Variants in USP6NL observed in about 807,000 individuals in gnomAD.
USP6NL encodes the protein USP6 N-terminal-like protein.
A neutral mutation model predicts 61.9 loss-of-function variants in USP6NL; 26 were observed. The ratio of observed to expected loss-of-function variants is 0.42; its 90% CI spans 0.31 to 0.58. The LOEUF is 0.58. USP6NL is among the 20% of genes least tolerant of loss of function. The pLI, the probability that USP6NL is intolerant of heterozygous loss-of-function variation, is 0.16. For synonymous variants in USP6NL, 432 were observed against 390.1 expected (o/e 1.11, Z -1.27); for missense variants, 1,114 against 1,034.3 (o/e 1.08, Z -1.06).
chr10:11,498,549 G>T (rs11257131), intron 7 of USP6NL, among the ~76,000 whole-genome samples: 35,902 of 151,730 alleles, frequency 0.24, 4,803 homozygotes, highest in East Asian at 0.59. Context: ...AATATAATAA[G>T]GACAAAACCT....
chr10:11,462,432 C>T lies in USP6NL; in HGVS notation c.*9G>A, dbSNP rs375781472. ...TTCTCTCTCGTCTTTAGCAAGTACA[C>T]GTCAAATCTCACAGCAACACTGACT... On this transcript the variant is annotated 3_prime_UTR_variant, in exon 15 of 15. Transcript: ENST00000609104. 253 of 1,610,126 alleles carry T rather than the reference C, an allele frequency of 1.6e-4. No homozygotes were observed. Among genetic ancestry groups the T allele is most frequent in the Non-Finnish European group, 2.0e-4 (233 of 1,178,226 alleles).
At chr10:11,569,126 G>C (rs1192857019) in intron 2 of USP6NL, among the ~76,000 whole-genome samples, 6 of 152,186 alleles carry the variant, frequency 3.9e-5, no homozygotes, top group Non-Finnish European at 7.3e-5. Context: ...AAGTAAATTA[G>C]ATGCTATAAC....
intron 2 of USP6NL, among the ~76,000 whole-genome samples, chr10:11,581,425 G>A (rs570977533): frequency 1.8e-4 from 28 of 152,290 alleles, no homozygotes; most frequent in South Asian, 6.2e-4. Flanking sequence ...TTGATCATAC[G>A]AATAACAACC....
chr10:11,504,465 C>T (rs1834350971), intron 6 of USP6NL, among the ~76,000 whole-genome samples: 1 of 152,168 alleles, frequency 6.6e-6, no homozygotes, highest in Non-Finnish European at 1.5e-5. Context: ...AAACAAGATA[C>T]AGAAGAAAAG....
intron 6 of USP6NL, among the ~76,000 whole-genome samples, chr10:11,501,442 A>G (rs200777378): frequency 6.6e-6 from 1 of 152,232 alleles, no homozygotes; most frequent in Non-Finnish European, 1.5e-5. Context: ...AGAATGCCCA[A>G]TGCATTAGCA....
intron 2 of USP6NL, among the ~76,000 whole-genome samples, chr10:11,594,067 ATTG>A (rs1838242133): frequency 6.6e-6 from 1 of 152,162 alleles, no homozygotes; most frequent in Admixed American, 6.5e-5. Context: ...AGTGACATAT[ATTG>A]CTATTTTTTA....
chr10:11,578,897 A>T (rs1453631970), intron 2 of USP6NL, among the ~76,000 whole-genome samples: 1 of 152,212 alleles, frequency 6.6e-6, no homozygotes, highest in Non-Finnish European at 1.5e-5. Flanking sequence ...CATCTCGTTT[A>T]TATCAGCTTG....
rs1837514325 is a variant in USP6NL, at chr10:11,575,695, T to C, written c.4+21936A>G. Among the ~76,000 whole-genome samples the C allele has an allele frequency of 6.6e-6, 1 of 152,218 alleles. No homozygotes were observed. Among genetic ancestry groups the C allele is most frequent in the South Asian group, 2.1e-4 (1 of 4,828 alleles). On this transcript the variant is annotated intron_variant, in intron 2 of 14. Coordinates refer to ENST00000609104, the MANE Select transcript of USP6NL (RefSeq NM_014688.5). This position sits in a 1 kb window ranked among gnomAD's most constrained non-coding sequence, Gnocchi z 4.2. The stretch of plus-strand genomic sequence containing the variant: ...TGCTTAGCTTCTGCTAAGCAATCAA[T>C]AGCTTTTTCTTGTTTCTCTCATTTT...
chr10:11,555,451 T>TATATATAGAG (rs1427219382), intron 2 of USP6NL, among the ~76,000 whole-genome samples: 5 of 60,998 alleles, frequency 8.2e-5, no homozygotes, highest in East Asian at 1.9e-3. Flanking sequence ...TATATATATA[T>TATATATAGAG]AGAGAGAGAG....
intron 2 of USP6NL, among the ~76,000 whole-genome samples, chr10:11,569,414 A>G (rs1459943180): frequency 6.6e-6 from 1 of 152,260 alleles, no homozygotes; most frequent in Non-Finnish European, 1.5e-5. Flanking sequence ...CAACAAATGT[A>G]TTGCAATTAA....
At chr10:11,581,394 G>A (rs1244996591) in intron 2 of USP6NL, among the ~76,000 whole-genome samples, 1 of 152,214 alleles carries the variant, frequency 6.6e-6, no homozygotes, top group Non-Finnish European at 1.5e-5. Flanking sequence ...TTTGGACTCT[G>A]CTCTAAGCCT....
chr10:11,535,503 C>T (rs1283032924), intron 2 of USP6NL, among the ~76,000 whole-genome samples: 1 of 152,094 alleles, frequency 6.6e-6, no homozygotes, highest in Non-Finnish European at 1.5e-5. Context: ...TACCAGTAAG[C>T]AGGGAAAAGT....
chr10:11,493,283 ACT>A, intron 7 of USP6NL, 55 bp from the exon 8 acceptor site: 5 of 1,418,510 alleles, frequency 3.5e-6, no homozygotes, highest in Non-Finnish European at 3.8e-6. Context: ...GTTGTTGAAA[ACT>A]CTATGACAAA....
chr10:11,609,115 A>G (rs1838796894), intron 1 of USP6NL, among the ~76,000 whole-genome samples: 1 of 152,036 alleles, frequency 6.6e-6, no homozygotes, highest in African/African-American at 2.4e-5. Flanking sequence ...CCCAGGTTGG[A>G]GTGCAGTGGA....
chr10:11,509,576 A>C lies in USP6NL; in HGVS notation c.276+19T>G. The C allele has an allele frequency of 6.5e-7, 1 of 1,528,342 alleles. No individual in the cohort carries two copies. The highest frequency in any genetic ancestry group is 1.3e-5 in the South Asian group (1 of 79,710). 94.7% of individuals were successfully genotyped at this position (1,528,342 alleles called of 1,614,324 possible). On this transcript the variant is annotated intron_variant, in intron 6 of 14. Coordinates refer to ENST00000609104, the MANE Select transcript of USP6NL (RefSeq NM_014688.5). ...TGAGTTTATATAGTTTCATATGGAA[A>C]AACATGATTTTAAATTACCTTTTCA...
At chr10:11,524,436 G>A (rs1389501584) in intron 4 of USP6NL, among the ~76,000 whole-genome samples, 4 of 152,206 alleles carry the variant, frequency 2.6e-5, no homozygotes, top group Admixed American at 2.6e-4. Context: ...CATGACCAGA[G>A]AACAGCAAAG....
intron 1 of USP6NL, among the ~76,000 whole-genome samples, chr10:11,608,540 TC>T (rs1202654204): frequency 6.6e-6 from 1 of 152,234 alleles, no homozygotes; most frequent in African/African-American, 2.4e-5. Context: ...CCTCTTTTTT[TC>T]AGCCAGCTAT....
rs1591832762 is a variant in USP6NL, at chr10:11,485,968, T to C, written c.665-57A>G. 5.3e-6 allele frequency: 6 copies of C among 1,137,136 alleles called. No homozygotes were observed. Among genetic ancestry groups the C allele is most frequent in the Non-Finnish European group, 3.7e-6 (3 of 807,972 alleles). 70.4% of individuals were successfully genotyped at this position (1,137,136 alleles called of 1,614,324 possible). ...AAACAATACCAACAAAACCCTCCAA[T>C]CTTAAAACACAACATATTTCATTTG... On this transcript the variant is annotated intron_variant, in intron 10 of 14. Coordinates refer to ENST00000609104, the MANE Select transcript of USP6NL (RefSeq NM_014688.5). The surrounding 1 kb of genome is among the most constrained non-coding windows in gnomAD (Gnocchi z 4.8).
At chr10:11,579,272 T>C (rs1837658891) in intron 2 of USP6NL, among the ~76,000 whole-genome samples, 1 of 152,208 alleles carries the variant, frequency 6.6e-6, no homozygotes, top group Admixed American at 6.5e-5. Flanking sequence ...AACATCAGAA[T>C]ACCATATGGA....
Sources: allele counts gnomAD v4.1 joint callset (sites outside exome capture counted in the v4.1 genomes callset), GRCh38; gene constraint gnomAD v4.1.1; non-coding constraint Gnocchi (gnomAD v3.1); transcripts MANE v1.5; gene names NCBI Gene and HGNC (gene_info 2026-07-23, HGNC 2026-07-21).